HNRNPC: variants seen among roughly 807,000 people sequenced by gnomAD.
HNRNPC encodes the protein heterogeneous nuclear ribonucleoprotein C.
In HNRNPC, 3 loss-of-function variants were observed where a neutral mutation model predicts 33.2. The ratio of observed to expected loss-of-function variants is 0.09; its 90% confidence interval spans 0.04 to 0.23. The LOEUF (loss-of-function observed/expected upper bound fraction) is 0.23, where lower values mean the gene tolerates loss of function less well. HNRNPC is among the 10% of genes least tolerant of loss of function. The pLI is 1.00. For synonymous variants in HNRNPC, 121 were observed against 126.7 expected, an observed-to-expected ratio of 0.96 and a Z score of 0.30; for missense variants, 143 against 366.7, an observed-to-expected ratio of 0.39 and a Z score of 4.98.
intron 5 of HNRNPC, among the ~76,000 whole-genome samples, chr14:21,222,033 T>C (rs1892876518): frequency 1.4e-5 from 1 of 71,340 alleles, no homozygotes. Flanking sequence ...AGAGCAAGAC[T>C]CCGTCTCAAA....
intron 5 of HNRNPC, among the ~76,000 whole-genome samples, chr14:21,215,951 A>AG (rs1263119690): frequency 6.6e-6 from 1 of 151,160 alleles, no homozygotes; most frequent in African/African-American, 2.4e-5. Flanking sequence ...AAAAAGAAAA[A>AG]AAAAACAACA....
At position 21,226,905 on chromosome 14, in the gene HNRNPC, G is replaced by A. The variant is rs868807337; in HGVS notation, c.365+3414C>T. On this transcript the variant is annotated intron_variant, in intron 5 of 8. Transcript: ENST00000553300. ...AAAAAAAAAAAAAAAAGGGGGGGGGGGGACAGTGATTTTTACTCCGATTTA... is the reference window on the plus strand; with the variant it reads ...AAAAAAAAAAAAAAAAGGGGGGGGGAGGACAGTGATTTTTACTCCGATTTA... Among the ~76,000 whole-genome samples, 330 of 132,916 alleles carry A rather than the reference G, an allele frequency of 2.5e-3. 4 individuals carry two copies. Among genetic ancestry groups the A allele is most frequent in the African/African-American group, 8.2e-3 (309 of 37,540 alleles). The allele number at this position is 132,916 out of a possible 152,430, so 87.2% of individuals were successfully genotyped here.
chr14:21,265,013 C>CA (rs1204176000), intron 1 of HNRNPC: 8 of 149,976 alleles, frequency 5.3e-5, no homozygotes, highest in East Asian at 1.9e-4. Context: ...GACCCTGTCT[C>CA]AAAAAAAAAA....
chr14:21,220,012 C>G (rs1215422329), intron 5 of HNRNPC, among the ~76,000 whole-genome samples: 1 of 152,206 alleles, frequency 6.6e-6, no homozygotes, highest in Non-Finnish European at 1.5e-5. Flanking sequence ...ACTCCCATTG[C>G]CATTTCTCTG....
chr14:21,255,358 A>T (rs77905435), intron 2 of HNRNPC, among the ~76,000 whole-genome samples: 1 of 151,272 alleles, frequency 6.6e-6, no homozygotes, highest in South Asian at 2.1e-4. Flanking sequence ...TAGAAATAAT[A>T]AAAAAAAAGT....
chr14:21,269,125 C>G (rs1879520826), intron 1 of HNRNPC, among the ~76,000 whole-genome samples, 173 bp downstream of exon 1: 2 of 151,972 alleles, frequency 1.3e-5, no homozygotes, highest in South Asian at 4.1e-4. Context: ...TAAACCTATA[C>G]AGAGGCTGAG....
intron 5 of HNRNPC, among the ~76,000 whole-genome samples, chr14:21,229,151 G>A (rs1893814143): frequency 6.6e-6 from 1 of 151,370 alleles, no homozygotes; most frequent in African/African-American, 2.4e-5. Flanking sequence ...AGCACTTTGG[G>A]AGGCCAAGAC....
At chr14:21,268,389 C>T (rs1312596618) in intron 1 of HNRNPC, among the ~76,000 whole-genome samples, 1 of 152,156 alleles carries the variant, frequency 6.6e-6, no homozygotes, top group Non-Finnish European at 1.5e-5. Context: ...TTTTCTTAAG[C>T]GCAATTTGGG....
At chr14:21,218,697 A>ACAAC (rs1477907594) in intron 5 of HNRNPC, among the ~76,000 whole-genome samples, 1 of 150,048 alleles carries the variant, frequency 6.7e-6, no homozygotes, top group African/African-American at 2.5e-5. Context: ...AAAAAAAAAA[A>ACAAC]AAAAAAAAAA....
chr14:21,231,085 A>T lies in HNRNPC; in HGVS notation c.242-13T>A. 1 of 1,606,978 alleles carries T rather than the reference A, an allele frequency of 6.2e-7. No homozygotes were observed. Among genetic ancestry groups the T allele is most frequent in the Non-Finnish European group, 8.5e-7 (1 of 1,175,512 alleles). ...GCCAGGTTAATATCTGAAAAACAAA[A>T]GTAAAAATGTTAATGACAACTTTGT... On this transcript the variant is annotated splice_polypyrimidine_tract_variant and intron_variant, in intron 3 of 8. Coordinates refer to ENST00000553300, the MANE Select transcript of HNRNPC (RefSeq NM_004500.4).
chr14:21,267,095 CAAA>C (rs56203257), intron 1 of HNRNPC, among the ~76,000 whole-genome samples: 3,245 of 102,680 alleles, frequency 0.032, 65 homozygotes, highest in African/African-American at 0.039. Flanking sequence ...GACTCCGTCT[CAAA>C]AAAAAAAAAA....
At chr14:21,245,700 T>C (rs1468474573) in intron 2 of HNRNPC, among the ~76,000 whole-genome samples, 1 of 152,086 alleles carries the variant, frequency 6.6e-6, no homozygotes, top group Admixed American at 6.5e-5. Flanking sequence ...AAATTTTTCT[T>C]TTCTTTAATA....
At chr14:21,211,787 G>C in intron 7 of HNRNPC, 23 bp downstream of exon 7, 2 of 1,591,106 alleles carry the variant, frequency 1.3e-6, no homozygotes, top group Non-Finnish European at 1.7e-6. Context: ...TGTATACCAA[G>C]GGCAAGCAGA....
chr14:21,262,025 T>A (rs1358191945), intron 2 of HNRNPC, among the ~76,000 whole-genome samples: 1 of 152,206 alleles, frequency 6.6e-6, no homozygotes, highest in Non-Finnish European at 1.5e-5. Context: ...GTCACCACTG[T>A]AAAAGGGGTC....
chr14:21,228,106 T>C (rs1288935627), intron 5 of HNRNPC, among the ~76,000 whole-genome samples: 1 of 152,240 alleles, frequency 6.6e-6, no homozygotes, highest in East Asian at 1.9e-4. Flanking sequence ...ATTTTAAATG[T>C]GGTCAAGCAA....
intron 2 of HNRNPC, among the ~76,000 whole-genome samples, chr14:21,241,816 T>C (rs1228269419): frequency 6.6e-6 from 1 of 152,202 alleles, no homozygotes; most frequent in East Asian, 1.9e-4. Context: ...GTGAGAGTAA[T>C]CTCTGAGAAA....
intron 3 of HNRNPC, among the ~76,000 whole-genome samples, chr14:21,231,878 T>G (rs981425847): frequency 6.6e-6 from 1 of 152,186 alleles, no homozygotes; most frequent in African/African-American, 2.4e-5. Context: ...TATATTAGAA[T>G]GAAATATATT....
intron 5 of HNRNPC, among the ~76,000 whole-genome samples, chr14:21,224,142 ATAGAAAAGGAGGTC>A (rs1176062583): frequency 1.3e-5 from 2 of 152,164 alleles, no homozygotes; most frequent in African/African-American, 2.4e-5. Context: ...CATCTGAAAA[ATAGAAAAGGAGGTC>A]AAAGTGTCTG....
chr14:21,241,626 ACT>A (rs924013829), intron 2 of HNRNPC, among the ~76,000 whole-genome samples: 3 of 151,890 alleles, frequency 2.0e-5, no homozygotes, highest in African/African-American at 2.4e-5. Flanking sequence ...ATCCCACATT[ACT>A]CTCTATCTGG....
Sources: gnomAD v4.1 joint callset for allele counts (sites outside exome capture counted in the v4.1 genomes callset) on GRCh38, gnomAD v4.1.1 for gene constraint, MANE v1.5 for transcripts, NCBI Gene and HGNC (gene_info 2026-07-23, HGNC 2026-07-21) for gene names.